DHX36: variants seen among roughly 807,000 people sequenced by gnomAD.
The protein encoded by DHX36 is DEAH-box helicase 36.
In DHX36, 50 loss-of-function variants were observed where a neutral mutation model predicts 139.0. The observed-to-expected ratio is 0.36, with a 90% CI of 0.29 to 0.46. DHX36 has a LOEUF of 0.46. Ranked by LOEUF, DHX36 falls within the 20% of genes least tolerant of loss-of-function variation. The probability of loss-of-function intolerance (pLI) is 1.00; values close to 1 mark genes in which losing one functional copy is unlikely to be tolerated. For missense variants in DHX36, 1,024 were observed against 1,211.3 expected (o/e 0.85, Z 2.29); for synonymous variants, 425 against 401.9 (o/e 1.06, Z -0.69).
intron 23 of DHX36, 121 bp downstream of exon 23, chr3:154,277,477 A>C (rs1719186223): frequency 2.5e-5 from 22 of 867,088 alleles, no homozygotes; most frequent in Non-Finnish European, 3.4e-5. Flanking sequence ...AAAGTTACTC[A>C]CGTCACAGGA....
Position 154,276,304 on chromosome 3 carries a change from T to C in DHX36, c.2894A>G (p.His965Arg). The change falls in exon 25 of 25, where the codon CAT (histidine) becomes CGT (arginine). Residue 965 changes from histidine to arginine, a missense_variant. Transcript: ENST00000496811. ...TTTAGTGTCATTCCAGTCTACAGGATGAGGACTTTCAATCTTCTCTTGCAG... is the reference window on the plus strand; with the variant it reads ...TTTAGTGTCATTCCAGTCTACAGGACGAGGACTTTCAATCTTCTCTTGCAG... ...ILLQEKIESP[H>R]PVDWNDTKSR... 1 of 1,613,808 alleles carries C rather than the reference T, an allele frequency of 6.2e-7. No individual in the cohort carries two copies. Among genetic ancestry groups the C allele is most frequent in the Non-Finnish European group, 8.5e-7 (1 of 1,179,952 alleles).
At chr3:154,293,408 C>A (rs973222036) in intron 14 of DHX36, among the ~76,000 whole-genome samples, 1 of 152,060 alleles carries the variant, frequency 6.6e-6, no homozygotes, top group Non-Finnish European at 1.5e-5. Context: ...TAGTGAGACT[C>A]CATCTCTACA....
Position 154,306,196 on chromosome 3 carries a change from A to G in DHX36, c.893+20T>C, listed in dbSNP as rs756157058. The G allele has an allele frequency of 1.2e-5, 19 of 1,577,118 alleles. No homozygotes were observed. The highest frequency in any genetic ancestry group is 8.5e-5 in the Admixed American group (5 of 59,074). On this transcript the variant is annotated intron_variant, in intron 6 of 24. Coordinates refer to ENST00000496811, the MANE Select transcript of DHX36 (RefSeq NM_020865.3). ...GTTTCACTAAAATCTGCCTGTATAT[A>G]AGAAGTGAACATTTCTTACCTCTGG...
At chr3:154,279,843 A>G (rs1389043645) in intron 22 of DHX36, 2 of 152,214 alleles carry the variant, frequency 1.3e-5, no homozygotes, top group Non-Finnish European at 2.9e-5. Flanking sequence ...ATGCCCACCT[A>G]TGGAGATGCA....
chr3:154,303,465 T>A (rs1429907952), intron 8 of DHX36, 55 bp from the exon 9 acceptor site: 3 of 1,249,174 alleles, frequency 2.4e-6, no homozygotes, highest in African/African-American at 3.0e-5. Flanking sequence ...TTAAAAACAT[T>A]AATATACTGT....
Position 154,280,878 on chromosome 3 carries a change from A to T in DHX36, c.2377-16T>A. 1 of 1,580,762 alleles carries T rather than the reference A, an allele frequency of 6.3e-7. No homozygotes were observed. Among genetic ancestry groups the T allele is most frequent in the African/African-American group, 1.3e-5 (1 of 74,338 alleles). On this transcript the variant is annotated splice_polypyrimidine_tract_variant and intron_variant, in intron 20 of 24. Coordinates refer to ENST00000496811, the MANE Select transcript of DHX36 (RefSeq NM_020865.3). ...TATGCAGCATCTAGGGAGCAATGGTAACAAATAGAACTAGAATACCTTTCA... is the reference window on the plus strand; with the variant it reads ...TATGCAGCATCTAGGGAGCAATGGTTACAAATAGAACTAGAATACCTTTCA...
intron 12 of DHX36, among the ~76,000 whole-genome samples, chr3:154,296,484 A>G (rs932298380): frequency 4.0e-5 from 6 of 151,730 alleles, no homozygotes; most frequent in Non-Finnish European, 8.8e-5. Context: ...AAAAATAATA[A>G]TAATAATAAT....
At chr3:154,286,404 T>C (rs1007341385) in intron 17 of DHX36, among the ~76,000 whole-genome samples, 1 of 151,746 alleles carries the variant, frequency 6.6e-6, no homozygotes, top group African/African-American at 2.4e-5. Context: ...AAGGGGACTT[T>C]ACAGCATTAA....
intron 9 of DHX36, 105 bp from the exon 10 acceptor site, chr3:154,301,232 A>G (rs1712264037): frequency 1.1e-5 from 12 of 1,142,790 alleles, no homozygotes; most frequent in Admixed American, 3.1e-5. Context: ...ATTCCAAAGA[A>G]CATTTTCATT....
chr3:154,319,880 A>G (rs946672424), intron 1 of DHX36, among the ~76,000 whole-genome samples: 1 of 151,738 alleles, frequency 6.6e-6, no homozygotes, highest in African/African-American at 2.4e-5. Context: ...AAAACAAAAA[A>G]CCCTCTCGTG....
intron 13 of DHX36, 118 bp from the exon 14 acceptor site, chr3:154,293,930 G>A (rs1253705313): frequency 3.1e-6 from 2 of 643,946 alleles, no homozygotes; most frequent in East Asian, 2.6e-5. Flanking sequence ...TTCATTCACT[G>A]ACATATACAT....
chr3:154,299,211 T>C (rs1032115052), intron 12 of DHX36, among the ~76,000 whole-genome samples: 2 of 152,186 alleles, frequency 1.3e-5, no homozygotes, highest in African/African-American at 2.4e-5. Flanking sequence ...AGGCGGAGGT[T>C]GCAGTGAGCC....
chr3:154,310,033 A>G (rs534815484), intron 4 of DHX36, among the ~76,000 whole-genome samples: 2 of 152,318 alleles, frequency 1.3e-5, no homozygotes, highest in East Asian at 3.9e-4. Context: ...ACAAAGCCAA[A>G]GCACTGTTAA....
chr3:154,276,200 G>T lies in DHX36; in HGVS notation c.2998C>A (p.Pro1000Thr), dbSNP rs894924455. 6.2e-7 allele frequency: 1 copy of T among 1,612,588 alleles called. No homozygotes were observed. The highest frequency in any genetic ancestry group is 1.3e-5 in the African/African-American group (1 of 74,782). Residue 1000 changes from proline to threonine, a missense_variant, in exon 25 of 25, where the codon CCA (proline) becomes ACA (threonine). Transcript: ENST00000496811. Reference protein sequence around the residue: ...QEKATPRNFPPRFQDGYYS With the variant: ...QEKATPRNFPTRFQDGYYS ...CTGTAATATCCATCCTGGAATCGTG[G>T]CGGAAAGTTCCTGGGAGTTGCCTTT...
At chr3:154,316,328 CTAAT>C (rs1432112578) in intron 1 of DHX36, among the ~76,000 whole-genome samples, 165 bp from the exon 2 acceptor site, 8 of 151,966 alleles carry the variant, frequency 5.3e-5, no homozygotes, top group Non-Finnish European at 7.4e-5. Flanking sequence ...CTTCCTAGAC[CTAAT>C]TAATTGTTAA....
At chr3:154,284,766 C>T in intron 18 of DHX36, 48 bp downstream of exon 18, 1 of 1,606,326 alleles carries the variant, frequency 6.2e-7, no homozygotes, top group Non-Finnish European at 8.5e-7. Context: ...ATCTAAGCAA[C>T]TCCTGTTCAC....
chr3:154,323,265 G>A (rs1713268114), intron 1 of DHX36, among the ~76,000 whole-genome samples: 1 of 152,062 alleles, frequency 6.6e-6, no homozygotes. Flanking sequence ...AACTTGGGAG[G>A]CGGAGGTTGC....
Position 154,292,681 on chromosome 3 carries a change from C to T in DHX36, c.1684G>A (p.Asp562Asn). Residue 562 changes from aspartate (D) to asparagine (N), a missense_variant, in exon 15 of 25, where the codon GAT becomes AAT. By Grantham distance (23) the Asp-to-Asn change is conservative. Around this residue, in one of 4 missense-constraint regions of DHX36, gnomAD observed 470 missense variants for 616.2 expected, o/e 0.76. Transcript: ENST00000496811. The part of the protein sequence containing the change: ...NIAETSITID[D>N]VVYVIDGGKI... Reference sequence around the variant, plus strand: ...CCTCCATCTATCACATAAACGACATCATCTATGGTAATGCTGTTTGGAAAA... The same window carrying T: ...CCTCCATCTATCACATAAACGACATTATCTATGGTAATGCTGTTTGGAAAA... 6.2e-7 allele frequency: 1 copy of T among 1,612,916 alleles called. No individual in the cohort carries two copies. Among genetic ancestry groups the T allele is most frequent in the Non-Finnish European group, 8.5e-7 (1 of 1,179,654 alleles).
At chr3:154,318,512 G>A (rs991504095) in intron 1 of DHX36, among the ~76,000 whole-genome samples, 17 of 151,846 alleles carry the variant, frequency 1.1e-4, no homozygotes, top group African/African-American at 2.4e-4. Context: ...GAGATTTCAC[G>A]CCCCCGGAAA....
Sources: allele counts gnomAD v4.1 joint callset (sites outside exome capture counted in the v4.1 genomes callset), GRCh38; gene constraint gnomAD v4.1.1; regional missense constraint gnomAD v4.1.1; transcripts MANE v1.5; gene names NCBI Gene and HGNC (gene_info 2026-07-23, HGNC 2026-07-21).